The following SLC39A14 variants were observed in gnomAD, a reference collection of about 807,000 sequenced individuals.
SLC39A14 encodes the protein metal cation symporter ZIP14.
In SLC39A14, 19 loss-of-function variants were observed where a neutral mutation model predicts 45.5. The ratio of observed to expected loss-of-function variants is 0.42; its 90% CI spans 0.29 to 0.61. SLC39A14 has a LOEUF of 0.61. Ranked by LOEUF, SLC39A14 falls within the 20% of genes least tolerant of loss-of-function variation. SLC39A14 has a pLI of 0.22. For missense variants in SLC39A14, 447 were observed against 616.5 expected, an observed-to-expected ratio of 0.73 and a Z score of 2.91; for synonymous variants, 264 against 251.3, an observed-to-expected ratio of 1.05 and a Z score of -0.48.
At chr8:22,369,507 C>T (rs1007615168) in intron 1 of SLC39A14, among the ~76,000 whole-genome samples, 1 of 152,198 alleles carries the variant, frequency 6.6e-6, no homozygotes, top group Non-Finnish European at 1.5e-5. Context: ...CGGGTGCACG[C>T]AGAAGGCCTG....
chr8:22,374,740 C>G (rs1174099352), intron 1 of SLC39A14, among the ~76,000 whole-genome samples: 1 of 104,038 alleles, frequency 9.6e-6, no homozygotes, highest in Admixed American at 1.0e-4. Context: ...CCAGCCTGCT[C>G]TTTTTTTTTT....
Position 22,414,827 on chromosome 8 carries a change from A to G in SLC39A14, c.675A>G (p.Ala225=), listed in dbSNP as rs755199328. The G allele has an allele frequency of 6.2e-7, 1 of 1,612,996 alleles. No individual in the cohort carries two copies. The highest frequency in any genetic ancestry group is 8.5e-7 in the Non-Finnish European group (1 of 1,179,694). The change falls in exon 5 of 9, where the codon GCA becomes GCG. Residue 225 remains alanine, a synonymous_variant. Transcript: ENST00000381237. ...PLEDYYVSKS[A]VVFGGFYLFF... The stretch of plus-strand genomic sequence containing the variant: ...AAGATTATTATGTCTCCAAGTCTGC[A>G]GTGGTGTTTGGGGGCTTTTATCTTT...
rs973311794 is a variant in SLC39A14, at chr8:22,415,704, A to AG, written c.751-63dup. 8.1e-5 allele frequency: 119 copies of AG among 1,478,230 alleles called. 1 individual carries two copies. The highest frequency in any genetic ancestry group is 9.2e-5 in the Non-Finnish European group (99 of 1,080,742). 91.6% of individuals were successfully genotyped at this position (1,478,230 alleles called of 1,614,324 possible). On this transcript the variant is annotated intron_variant, in intron 5 of 8. Coordinates refer to ENST00000381237, the MANE Select transcript of SLC39A14 (RefSeq NM_001128431.4). Reference sequence around the variant, plus strand: ...AGTGTGTGAAGCACTTCCTTGGAGCAGGTGCTCAATCAGGTTTGTGGTTTT... The same window carrying AG: ...AGTGTGTGAAGCACTTCCTTGGAGCAGGGTGCTCAATCAGGTTTGTGGTTTT...
Position 22,421,374 on chromosome 8 carries a change from G to C in SLC39A14, c.*1676G>C. On this transcript the variant is annotated 3_prime_UTR_variant, in exon 9 of 9. Transcript: ENST00000381237. Reference sequence around the variant, plus strand: ...AACGTGAGCAGGAAAAACTGCTGGTGATACTTTTTTTAAGTTTTGTTTTTA... The same window carrying C: ...AACGTGAGCAGGAAAAACTGCTGGTCATACTTTTTTTAAGTTTTGTTTTTA... The C allele has an allele frequency of 1.0e-5, 10 of 985,850 alleles. 1 individual carries two copies. Among genetic ancestry groups the C allele is most frequent in the Non-Finnish European group, 1.2e-5 (10 of 829,932 alleles). 61.1% of individuals were successfully genotyped at this position (985,850 alleles called of 1,614,324 possible).
chr8:22,388,523 C>T (rs1450850234), intron 1 of SLC39A14, among the ~76,000 whole-genome samples: 1 of 118,104 alleles, frequency 8.5e-6, no homozygotes, highest in African/African-American at 3.3e-5. Flanking sequence ...GCTGGAGGGA[C>T]GGAGTGTTGG....
intron 1 of SLC39A14, among the ~76,000 whole-genome samples, chr8:22,385,077 AAAAC>A (rs750744040): frequency 4.6e-5 from 7 of 152,040 alleles, no homozygotes; most frequent in Non-Finnish European, 7.4e-5. Flanking sequence ...AACAAAAACA[AAAAC>A]AAACAAACAA....
Position 22,415,733 on chromosome 8 carries a change from G to A in SLC39A14, c.751-36G>A, listed in dbSNP as rs371347107. Reference sequence around the variant, plus strand: ...GCTCAATCAGGTTTGTGGTTTTGGTGAATGTCATGCTGATCCCTCCCTGTC... The same window carrying A: ...GCTCAATCAGGTTTGTGGTTTTGGTAAATGTCATGCTGATCCCTCCCTGTC... On this transcript the variant is annotated intron_variant, in intron 5 of 8. Coordinates refer to ENST00000381237, the MANE Select transcript of SLC39A14 (RefSeq NM_001128431.4). The A allele has an allele frequency of 1.9e-5, 30 of 1,593,196 alleles. No homozygotes were observed. In the African/African-American group the frequency reaches 3.8e-4, roughly 20 times the overall value.
chr8:22,371,984 C>T (rs192113581), intron 1 of SLC39A14, among the ~76,000 whole-genome samples: 36 of 152,080 alleles, frequency 2.4e-4, no homozygotes, highest in African/African-American at 7.0e-4. Flanking sequence ...ACTTTGTGAT[C>T]CGCCCGCCTC....
Position 22,420,371 on chromosome 8 carries a change from A to G in SLC39A14, c.*673A>G. 1 of 985,456 alleles carries G rather than the reference A, an allele frequency of 1.0e-6. No homozygotes were observed. The highest frequency in any genetic ancestry group is 1.2e-6 in the Non-Finnish European group (1 of 829,950). The allele number at this position is 985,456 out of a possible 1,614,324, so 61.0% of individuals were successfully genotyped here. A position where few individuals can be genotyped will look rare whatever the true frequency, so the allele number is the denominator to read the frequency against. Reference sequence around the variant, plus strand: ...CTGAGATGCTGGATATTGATTTTGTAACAGCACCTGGTGTTTCACGGCTGT... The same window carrying G: ...CTGAGATGCTGGATATTGATTTTGTGACAGCACCTGGTGTTTCACGGCTGT... On this transcript the variant is annotated 3_prime_UTR_variant, in exon 9 of 9. Transcript: ENST00000381237.
At chr8:22,404,075 C>CT (rs201588891) in intron 1 of SLC39A14, among the ~76,000 whole-genome samples, 1 of 151,668 alleles carries the variant, frequency 6.6e-6, no homozygotes. Context: ...AAGCAGTCCC[C>CT]AGATATAAGA....
At chr8:22,413,087 A>G (rs1254072138) in intron 4 of SLC39A14, among the ~76,000 whole-genome samples, 1 of 152,222 alleles carries the variant, frequency 6.6e-6, no homozygotes, top group Admixed American at 6.5e-5. Flanking sequence ...TAAGTTCATG[A>G]GAAAACTTGC....
chr8:22,377,852 A>T (rs1209371683), intron 1 of SLC39A14, among the ~76,000 whole-genome samples: 1 of 152,166 alleles, frequency 6.6e-6, no homozygotes, highest in East Asian at 1.9e-4. Context: ...CTGCACTAGG[A>T]TGTACTGAAT....
At chr8:22,411,567 C>G (rs1835569138) in intron 3 of SLC39A14, among the ~76,000 whole-genome samples, 1 of 152,234 alleles carries the variant, frequency 6.6e-6, no homozygotes, top group African/African-American at 2.4e-5. Flanking sequence ...AACGCAGCAG[C>G]AGAGTGATCA....
intron 1 of SLC39A14, among the ~76,000 whole-genome samples, chr8:22,368,544 T>TTATTTTATTTTATTG (rs1832765924): frequency 1.0e-5 from 1 of 98,932 alleles, no homozygotes; most frequent in African/African-American, 3.9e-5. Context: ...TTATTGTATT[T>TTATTTTATTTTATTG]TATTTTATTT....
At chr8:22,372,039 C>CG (rs1441421154) in intron 1 of SLC39A14, among the ~76,000 whole-genome samples, 1 of 152,050 alleles carries the variant, frequency 6.6e-6, no homozygotes, top group Non-Finnish European at 1.5e-5. Flanking sequence ...CACTTGCACC[C>CG]GGCCCCTTTA....
At chr8:22,403,133 C>T (rs1411057830) in intron 1 of SLC39A14, among the ~76,000 whole-genome samples, 1 of 151,984 alleles carries the variant, frequency 6.6e-6, no homozygotes, top group Non-Finnish European at 1.5e-5. Flanking sequence ...CCCGCCACCA[C>T]ACCCGGCTAA....
Position 22,417,793 on chromosome 8 carries a change from G to A in SLC39A14, c.1290G>A (p.Ala430=), listed in dbSNP as rs113562598. Residue 430 remains alanine, a synonymous_variant, in exon 8 of 9, where the codon GCG becomes GCA. Transcript: ENST00000381237. The part of the protein sequence containing the change: ...GSHFSANWIF[A]LAGGMFLYIS... ...ACTTCTCTGCCAACTGGATTTTTGC[G>A]CTAGCTGGAGGAATGTTCTTGTATA... 3.6e-5 allele frequency: 58 copies of A among 1,614,158 alleles called. No individual in the cohort carries two copies. The highest frequency in any genetic ancestry group is 1.2e-4 in the African/African-American group (9 of 75,048).
At chr8:22,419,414 C>A (rs774079304) in intron 8 of SLC39A14, 138 bp from the exon 9 acceptor site, 3 of 772,052 alleles carry the variant, frequency 3.9e-6, no homozygotes, top group African/African-American at 1.7e-5. Flanking sequence ...GAACTCCTGA[C>A]CTCTAGTGAG....
At chr8:22,411,964 TGGTTGCTGTGCAATG>T (rs1835595058) in intron 3 of SLC39A14, 58 bp from the exon 4 acceptor site, 1 of 1,368,880 alleles carries the variant, frequency 7.3e-7, no homozygotes. Flanking sequence ...CGCTAAATGG[TGGTTGCTGTGCAATG>T]GGGCATGTGC....
Sources: allele counts gnomAD v4.1 joint callset (sites outside exome capture counted in the v4.1 genomes callset), GRCh38; gene constraint gnomAD v4.1.1; transcripts MANE v1.5; gene names NCBI Gene and HGNC (gene_info 2026-07-23, HGNC 2026-07-21).